MINDY4: variants seen among roughly 807,000 people sequenced by gnomAD.
MINDY4 encodes the protein MINDY lysine 48 deubiquitinase 4.
MINDY4 carries 68 observed loss-of-function variants against 87.0 expected under a neutral mutation model. The observed-to-expected ratio is 0.78, with a 90% CI of 0.64 to 0.96. The LOEUF (loss-of-function observed/expected upper bound fraction) is 0.96, where lower values mean the gene tolerates loss of function less well. Among genes scored for constraint, MINDY4 ranks in the 40% least tolerant of loss-of-function variants. MINDY4 has a pLI of 0.00. For synonymous variants in MINDY4, 379 were observed against 363.2 expected, an observed-to-expected ratio of 1.04 and a Z score of -0.50; for missense variants, 919 against 928.2, an observed-to-expected ratio of 0.99 and a Z score of 0.13.
chr7:30,848,501 C>T (rs947385455), intron 9 of MINDY4, among the ~76,000 whole-genome samples: 13 of 152,196 alleles, frequency 8.5e-5, no homozygotes, highest in Admixed American at 2.0e-4. Flanking sequence ...GTGATGGAGT[C>T]ACATTTGTGG....
chr7:30,781,693 A>C, intron 2 of MINDY4: 1 of 328,004 alleles, frequency 3.0e-6, no homozygotes, highest in South Asian at 6.6e-5. Flanking sequence ...TTGCTTAGGC[A>C]TGCCTCTATT....
chr7:30,774,748 G>C (rs192439770), intron 1 of MINDY4, among the ~76,000 whole-genome samples: 7 of 151,822 alleles, frequency 4.6e-5, no homozygotes, highest in African/African-American at 1.7e-4. Context: ...GTCCCTCTTA[G>C]CTTTCCTCCT....
chr7:30,850,425 C>T (rs1182751602), intron 9 of MINDY4, 29 bp from the exon 10 acceptor site: 9 of 1,589,800 alleles, frequency 5.7e-6, no homozygotes, highest in African/African-American at 1.3e-5. Context: ...TCCACATGGG[C>T]ATAAATGCCT....
rs1192261289 is a variant in MINDY4, at chr7:30,892,217, G to C, written c.*212G>C. The C allele has an allele frequency of 1.6e-5, 9 of 573,386 alleles. No individual in the cohort carries two copies. The Admixed American group carries it at 2.8e-4, about 18-fold the overall frequency. The allele number at this position is 573,386 out of a possible 1,614,324, so 35.5% of individuals were successfully genotyped here. ...TGTGTTGCTGGGTCCCCTCCCAGCT[G>C]AGCTGTGACTGCTGAGTACTGGAAG... On this transcript the variant is annotated 3_prime_UTR_variant, in exon 18 of 18. Transcript: ENST00000265299.
intron 4 of MINDY4, among the ~76,000 whole-genome samples, chr7:30,788,069 C>CTTTAAA (rs929747257): frequency 6.6e-6 from 1 of 152,116 alleles, no homozygotes; most frequent in Admixed American, 6.6e-5. Context: ...TTGCAGATCT[C>CTTTAAA]TTTAACGTCT....
At chr7:30,838,036 G>T (rs1206944981) in intron 7 of MINDY4, among the ~76,000 whole-genome samples, 1 of 152,204 alleles carries the variant, frequency 6.6e-6, no homozygotes, top group African/African-American at 2.4e-5. Context: ...ACCCAGAGAG[G>T]GGGTACAGGG....
intron 5 of MINDY4, among the ~76,000 whole-genome samples, chr7:30,792,807 G>C (rs538986054): frequency 1.3e-5 from 2 of 151,762 alleles, no homozygotes; most frequent in African/African-American, 4.8e-5. Context: ...AAAACTTTTG[G>C]CTTTATGTTT....
At position 30,811,035 on chromosome 7, in the gene MINDY4, G is replaced by A. The variant is rs147243684; in HGVS notation, c.1074-17644G>A. On this transcript the variant is annotated intron_variant, in intron 5 of 17. Transcript: ENST00000265299. ...ACAGGTACCACCCCTAGAATTTCCA[G>A]TAAACCAGCACCAGCCTAAAGATCA... Among the ~76,000 whole-genome samples, 1,065 of 151,888 alleles carry A rather than the reference G, an allele frequency of 7.0e-3. 13 individuals carry two copies. The highest frequency in any genetic ancestry group is 0.024 in the African/African-American group (1,002 of 41,408).
At chr7:30,790,716 A>G (rs1177248846) in intron 4 of MINDY4, among the ~76,000 whole-genome samples, 2 of 152,180 alleles carry the variant, frequency 1.3e-5, no homozygotes, top group Non-Finnish European at 2.9e-5. Flanking sequence ...AAGTGCTAGG[A>G]TTACAGGCAT....
chr7:30,888,098 G>A (rs1355328715), intron 17 of MINDY4, among the ~76,000 whole-genome samples: 1 of 152,196 alleles, frequency 6.6e-6, no homozygotes, highest in Admixed American at 6.5e-5. Flanking sequence ...TTTTCCCCAT[G>A]AAAAACACTG....
chr7:30,891,128 G>A (rs950444706), intron 17 of MINDY4, among the ~76,000 whole-genome samples: 1 of 152,160 alleles, frequency 6.6e-6, no homozygotes, highest in African/African-American at 2.4e-5. Context: ...CTGTAGAACT[G>A]CTGTGAGATA....
At chr7:30,825,968 C>T (rs1228030558) in intron 5 of MINDY4, among the ~76,000 whole-genome samples, 1 of 152,144 alleles carries the variant, frequency 6.6e-6, no homozygotes, top group Non-Finnish European at 1.5e-5. Context: ...GTTTCCTTGC[C>T]CTTTTCACCT....
At chr7:30,839,459 C>G in intron 8 of MINDY4, 143 bp downstream of exon 8, 1 of 555,314 alleles carries the variant, frequency 1.8e-6, no homozygotes, top group Non-Finnish European at 3.3e-6. Context: ...TGAGTTGTCA[C>G]TTGGTGCAGG....
rs1786784751 is a variant in MINDY4 at position 30,775,526 on chromosome 7, T to C, written c.64-2906T>C. 3.9e-5 allele frequency among the ~76,000 whole-genome samples: 6 copies of C among 152,340 alleles called. No individual in the cohort carries two copies. The South Asian group carries it at 1.0e-3, about 26-fold the overall frequency. On this transcript the variant is annotated intron_variant, in intron 1 of 17. Coordinates refer to ENST00000265299, the MANE Select transcript of MINDY4 (RefSeq NM_032222.3). Reference sequence around the variant, plus strand: ...GAACCCCATCATTCAGGAGATTTTGTGTCAATTCTGCTATATAGGAATGTT... The same window carrying C: ...GAACCCCATCATTCAGGAGATTTTGCGTCAATTCTGCTATATAGGAATGTT...
chr7:30,799,346 G>T (rs2128170470), intron 5 of MINDY4, among the ~76,000 whole-genome samples: 1 of 152,226 alleles, frequency 6.6e-6, no homozygotes, highest in Middle Eastern at 3.4e-3. Context: ...GTCCTTCCTA[G>T]ACTATAGGCT....
chr7:30,786,050 T>C, intron 4 of MINDY4, 58 bp downstream of exon 4: 1 of 1,597,832 alleles, frequency 6.3e-7, no homozygotes, highest in Middle Eastern at 2.1e-4. Flanking sequence ...TGGGCTGGGC[T>C]TAAGGCACGC....
In MINDY4 at chr7:30,778,519, T is replaced by G; in HGVS notation, c.151T>G (p.Leu51Val). The G allele has an allele frequency of 6.2e-7, 1 of 1,614,224 alleles. No individual in the cohort carries two copies. Among genetic ancestry groups the G allele is most frequent in the Non-Finnish European group, 8.5e-7 (1 of 1,180,024 alleles). Residue 51 changes from leucine (L) to valine (V), a missense_variant, in exon 2 of 18, where the codon TTG (leucine) becomes GTG (valine). By Grantham distance (32) the Leu-to-Val change is conservative. Transcript: ENST00000265299. ...CAACAGAAATGATCTTCGAAAGGTTTTGCATCTTGAATTTCTCTATAAGGA... is the reference window on the plus strand; with the variant it reads ...CAACAGAAATGATCTTCGAAAGGTTGTGCATCTTGAATTTCTCTATAAGGA... Reference protein sequence around the residue: ...INNRNDLRKVLHLEFLYKENK... With the variant: ...INNRNDLRKVVHLEFLYKENK...
intron 5 of MINDY4, among the ~76,000 whole-genome samples, chr7:30,809,540 G>A (rs1787920916): frequency 6.6e-6 from 1 of 151,206 alleles, no homozygotes; most frequent in Non-Finnish European, 1.5e-5. Flanking sequence ...TTCCTCCCAG[G>A]TAATTGAAGG....
chr7:30,772,167 T>TG (rs1245427521), intron 1 of MINDY4, among the ~76,000 whole-genome samples: 5 of 151,910 alleles, frequency 3.3e-5, no homozygotes, highest in Admixed American at 3.3e-4. Flanking sequence ...GGGACCTCGG[T>TG]GGGGAAGGAG....
Sources: allele counts gnomAD v4.1 joint callset (sites outside exome capture counted in the v4.1 genomes callset), GRCh38; gene constraint gnomAD v4.1.1; transcripts MANE v1.5; gene names NCBI Gene and HGNC (gene_info 2026-07-23, HGNC 2026-07-21).